TSPOAP1: variants seen among roughly 807,000 people sequenced by gnomAD.
TSPOAP1 encodes the protein peripheral-type benzodiazepine receptor-associated protein 1.
In TSPOAP1, 87 loss-of-function variants were observed where a neutral mutation model predicts 197.0. That is an observed-to-expected ratio of 0.44 (90% CI 0.37 to 0.53). The LOEUF (loss-of-function observed/expected upper bound fraction) is 0.53. Among genes scored for constraint, TSPOAP1 ranks in the 20% least tolerant of loss-of-function variants. The pLI, the probability that TSPOAP1 is intolerant of heterozygous loss-of-function variation, is 0.00. For synonymous variants in TSPOAP1, 913 were observed against 998.9 expected (o/e 0.91, Z 1.62); for missense variants, 2,174 against 2,411.3 (o/e 0.90, Z 2.06).
In TSPOAP1 at chr17:58,306,890, C is replaced by T. The variant is rs753389583; in HGVS notation, c.5062G>A (p.Val1688Met). 5 of 1,613,500 alleles carry T rather than the reference C, an allele frequency of 3.1e-6. No individual in the cohort carries two copies. The Admixed American group carries it at 8.3e-5, about 27-fold the overall frequency. Residue 1688 changes from valine to methionine, a missense_variant, in exon 25 of 32, where the codon GTG (valine) becomes ATG (methionine). Val to Met is a conservative substitution (Grantham distance 21). This residue lies in a region of TSPOAP1 where 161 missense variants were observed against 159.1 expected (regional missense o/e 1.01). Transcript: ENST00000343736. ...GGGCTGTCCACAGCCACCTCAGCCACCATGTTGCAGGGAATGTAGCCTGTC... is the reference window on the plus strand; with the variant it reads ...GGGCTGTCCACAGCCACCTCAGCCATCATGTTGCAGGGAATGTAGCCTGTC... ...GRTGYIPCNM[V>M]AEVAVDSPAG... is the part of the protein sequence containing the mutation.
chr17:58,317,542 G>A (rs1598071209), intron 14 of TSPOAP1, among the ~76,000 whole-genome samples: 2 of 152,210 alleles, frequency 1.3e-5, no homozygotes, highest in Non-Finnish European at 2.9e-5. Context: ...CACATCCAAA[G>A]CTGGCACCAT....
In TSPOAP1 at chr17:58,323,476, G is replaced by T. The variant is rs1449165270; in HGVS notation, c.1012C>A (p.Gln338Lys). ...CTTGACCTAGGACTTACCAGCTGCT[G>T]CACCCTCTGCTCTTTCTCTGGCTCC... ...LGEPEKEQRV[Q>K]QLESELSKKR... Residue 338 changes from glutamine (Q) to lysine (K), a missense_variant, in exon 6 of 32, where the codon CAG (glutamine) becomes AAG (lysine). Around this residue, in one of 5 missense-constraint regions of TSPOAP1, gnomAD observed 1,933 missense variants for 2,139.0 expected, o/e 0.90. Transcript: ENST00000343736. The T allele has an allele frequency of 3.1e-6, 5 of 1,614,102 alleles. No individual in the cohort carries two copies. The highest frequency in any genetic ancestry group is 4.2e-6 in the Non-Finnish European group (5 of 1,180,026).
At chr17:58,313,483 C>T (rs946933332) in intron 16 of TSPOAP1, among the ~76,000 whole-genome samples, 9 of 151,878 alleles carry the variant, frequency 5.9e-5, no homozygotes, top group South Asian at 2.1e-4. Flanking sequence ...AGTGGTTGCA[C>T]GCCTGCAGTT....
chr17:58,307,875 C>G lies in TSPOAP1; in HGVS notation c.4798G>C (p.Val1600Leu), dbSNP rs759100344. The G allele has an allele frequency of 6.2e-7, 1 of 1,613,700 alleles. No individual in the cohort carries two copies. The highest frequency in any genetic ancestry group is 1.1e-5 in the South Asian group (1 of 91,092). The change falls in exon 23 of 32, where the codon GTC becomes CTC. Residue 1600 changes from valine (V) to leucine (L), a missense_variant. Coordinates refer to ENST00000343736, the MANE Select transcript of TSPOAP1 (RefSeq NM_004758.4). ...SGRRGPQKRG[V>L]RVLRPSTAEL... ...GCAGTGCTTGGCCTGAGGACTCGGA[C>G]ACCTCTCTTCTGGGGGCCCCTCCGC...
In TSPOAP1 at chr17:58,308,796, G is replaced by C. The variant is rs1434939901; in HGVS notation, c.4476C>G (p.Pro1492=). 1.2e-6 allele frequency: 2 copies of C among 1,613,016 alleles called. No individual in the cohort carries two copies. The highest frequency in any genetic ancestry group is 1.7e-5 in the Admixed American group (1 of 60,030). The stretch of plus-strand genomic sequence containing the variant: ...ATTCAATGCTGATTTCCAAGCACTT[G>C]GGGGAAAGGCAGCTGGCCAGGCCAG... ...LEPGLASCLS[P]KCLEISIEYD... Residue 1492 remains proline (P), a synonymous_variant, in exon 22 of 32, where the codon CCC becomes CCG. Transcript: ENST00000343736.
At position 58,302,434 on chromosome 17, in the gene TSPOAP1, G is replaced by T. The variant is rs1325525275; in HGVS notation, c.*46C>A. On this transcript the variant is annotated 3_prime_UTR_variant, in exon 32 of 32. Coordinates refer to ENST00000343736, the MANE Select transcript of TSPOAP1 (RefSeq NM_004758.4). ...TGGGGGCCCTGGGGACCCTTGTGTG[G>T]TGCAGCCCCAGTCCTGAAATGTGAG... 1.0e-5 allele frequency: 13 copies of T among 1,259,150 alleles called. No homozygotes were observed. The allele number at this position is 1,259,150 out of a possible 1,614,324, so 78.0% of individuals were successfully genotyped here.
rs1157310784 is a variant in TSPOAP1 at position 58,326,982 on chromosome 17, A to G, written c.334-192T>C. ...GAACTGTCCAGTCCTCCCTGTCCAC[A>G]TAGACACCCCCAAACCTGGCACCCT... On this transcript the variant is annotated intron_variant, in intron 1 of 31. Transcript: ENST00000343736. The surrounding 1 kb of genome is among the most constrained non-coding windows in gnomAD (Gnocchi z 4.7). Among the ~76,000 whole-genome samples, 1 of 152,120 alleles carries G rather than the reference A, an allele frequency of 6.6e-6. No homozygotes were observed. Among genetic ancestry groups the G allele is most frequent in the Non-Finnish European group, 1.5e-5 (1 of 68,000 alleles).
chr17:58,312,882 A>G (rs984420843), intron 16 of TSPOAP1, among the ~76,000 whole-genome samples, 160 bp from the exon 17 acceptor site: 3 of 152,282 alleles, frequency 2.0e-5, no homozygotes, highest in Non-Finnish European at 2.9e-5. Context: ...AGACAAGAGC[A>G]GTAAAGATCT....
At position 58,306,784 on chromosome 17, in the gene TSPOAP1, C is replaced by T; in HGVS notation, c.5152+16G>A. 6.2e-7 allele frequency: 1 copy of T among 1,600,312 alleles called. No homozygotes were observed. Among genetic ancestry groups the T allele is most frequent in the Non-Finnish European group, 8.5e-7 (1 of 1,169,612 alleles). On this transcript the variant is annotated intron_variant, in intron 25 of 31. Coordinates refer to ENST00000343736, the MANE Select transcript of TSPOAP1 (RefSeq NM_004758.4). ...GGGCTGGTGGGAGGTGGGTGAGGGA[C>T]AGCAGCAGGTCATACCTGAGCCCTC...
At chr17:58,317,356 G>T (rs1260578795) in intron 14 of TSPOAP1, among the ~76,000 whole-genome samples, 6 of 152,166 alleles carry the variant, frequency 3.9e-5, no homozygotes, top group African/African-American at 1.4e-4. Flanking sequence ...GTTCAGCTCT[G>T]GAACTCAGAA....
chr17:58,318,186 C>A, intron 14 of TSPOAP1, 94 bp downstream of exon 14: 1 of 1,451,564 alleles, frequency 6.9e-7, no homozygotes, highest in Non-Finnish European at 9.3e-7. Context: ...AGTTGCCACC[C>A]AACTCCTGGG....
intron 25 of TSPOAP1, 166 bp from the exon 26 acceptor site, chr17:58,306,579 T>C (rs1970901049): frequency 4.4e-6 from 4 of 913,634 alleles, no homozygotes; most frequent in East Asian, 5.3e-5. Context: ...GGACCCAAAA[T>C]TCCTGGCTGC....
At chr17:58,315,239 G>A (rs866126634) in intron 16 of TSPOAP1, among the ~76,000 whole-genome samples, 3 of 152,212 alleles carry the variant, frequency 2.0e-5, no homozygotes, top group Non-Finnish European at 4.4e-5. Context: ...AAAAGAAACT[G>A]AGCAGGCTCC....
chr17:58,322,585 T>C lies in TSPOAP1; in HGVS notation c.1317+69A>G. ...CAGAGCTAGTGCCCCTCACTAAGAA[T>C]ATTCTGCTGTCCCACTTGCTCCCCA... On this transcript the variant is annotated intron_variant, in intron 9 of 31. Transcript: ENST00000343736. This position sits in a 1 kb window ranked among gnomAD's most constrained non-coding sequence, Gnocchi z 5.0. 6.3e-7 allele frequency: 1 copy of C among 1,590,766 alleles called. No individual in the cohort carries two copies. The highest frequency in any genetic ancestry group is 8.5e-7 in the Non-Finnish European group (1 of 1,172,128).
intron 6 of TSPOAP1, 27 bp downstream of exon 6, chr17:58,323,439 CTG>C: frequency 6.2e-7 from 1 of 1,614,238 alleles, no homozygotes; most frequent in Non-Finnish European, 8.5e-7. Flanking sequence ...CCACAGCAGG[CTG>C]CCTCCAGCCC....
Position 58,305,081 on chromosome 17 carries a change from T to G in TSPOAP1, c.5524A>C (p.Thr1842Pro). ...EAGGLDREPR[T>P]PQAESQRTRR... The stretch of plus-strand genomic sequence containing the variant: ...CTGACCTGACTCTCAGCCTGGGGTG[T>G]CCTGGGTTCCCTGTCCAGGCCGCCT... Residue 1842 changes from threonine to proline, a missense_variant, in exon 30 of 32, where the codon ACA (threonine) becomes CCA (proline). By Grantham distance (38) the Thr-to-Pro change is conservative (BLOSUM62 -1). This residue lies in a region of TSPOAP1 where 60 missense variants were observed against 56.2 expected (regional missense o/e 1.07). Coordinates refer to ENST00000343736, the MANE Select transcript of TSPOAP1 (RefSeq NM_004758.4). The G allele has an allele frequency of 6.2e-7, 1 of 1,613,908 alleles. No homozygotes were observed. The highest frequency in any genetic ancestry group is 1.7e-5 in the Admixed American group (1 of 59,998).
In TSPOAP1 at chr17:58,319,141, G is replaced by T. The variant is rs1024551990; in HGVS notation, c.1648C>A (p.Pro550Thr). The T allele has an allele frequency of 1.3e-6, 2 of 1,551,972 alleles. No homozygotes were observed. Among genetic ancestry groups the T allele is most frequent in the African/African-American group, 2.7e-5 (2 of 73,202 alleles). The stretch of plus-strand genomic sequence containing the variant: ...TGGGGAATGGAGCAGCAGCAGGGGG[G>T]TGGTGGGCAGTCTCCAAGGCTCCCA... The part of the protein sequence containing the change: ...DCGSLGDCPP[P>T]PCCCSIPQPC... Residue 550 changes from proline to threonine, a missense_variant, in exon 13 of 32, where the codon CCC becomes ACC. Physicochemically the swap from Pro to Thr is conservative, Grantham distance 38. This residue lies in a region of TSPOAP1 where 1,933 missense variants were observed against 2,139.0 expected (regional missense o/e 0.90). Coordinates refer to ENST00000343736, the MANE Select transcript of TSPOAP1 (RefSeq NM_004758.4).
intron 22 of TSPOAP1, 89 bp from the exon 23 acceptor site, chr17:58,308,030 CAGCACAGCAGCGCAGG>C (rs1970957523): frequency 4.7e-6 from 6 of 1,278,554 alleles, no homozygotes; most frequent in Non-Finnish European, 6.5e-6. Context: ...TCAGCGTAAG[CAGCACAGCAGCGCAGG>C]AGCACAGCAT....
At chr17:58,313,226 A>C (rs1971124182) in intron 16 of TSPOAP1, among the ~76,000 whole-genome samples, 1 of 152,216 alleles carries the variant, frequency 6.6e-6, no homozygotes, top group Non-Finnish European at 1.5e-5. Flanking sequence ...TAAATATTCA[A>C]ATATATTCTG....
Sources: gnomAD v4.1 joint callset for allele counts (sites outside exome capture counted in the v4.1 genomes callset) on GRCh38, gnomAD v4.1.1 for gene constraint, gnomAD v4.1.1 regional missense constraint, Gnocchi (gnomAD v3.1) non-coding constraint, MANE v1.5 for transcripts, NCBI Gene and HGNC (gene_info 2026-07-23, HGNC 2026-07-21) for gene names.